The following MMD2 variants were observed in gnomAD, a reference collection of about 807,000 sequenced individuals.
MMD2 encodes the protein monocyte to macrophage differentiation factor 2.
MMD2 carries 30 observed loss-of-function variants against 33.5 expected under a neutral mutation model. That is an observed-to-expected ratio of 0.90 (90% CI 0.67 to 1.22). The LOEUF is 1.22. Among genes scored for constraint, MMD2 ranks in the 50% most tolerant of loss-of-function variants. MMD2 has a pLI of 0.00. For synonymous variants in MMD2, 129 were observed against 123.0 expected (o/e 1.05, Z -0.32); for missense variants, 364 against 325.4 (o/e 1.12, Z -0.91).
At chr7:4,901,858 A>C (rs1203200185), downstream of MMD2, among the ~76,000 whole-genome samples, 1 of 152,256 alleles carries the variant, frequency 6.6e-6, no homozygotes, top group Non-Finnish European at 1.5e-5. Context: ...CATCCTTGGC[A>C]ATGCCACTTT....
intron 1 of MMD2, among the ~76,000 whole-genome samples, chr7:4,930,679 C>T (rs1240631741): frequency 6.9e-6 from 1 of 144,882 alleles, no homozygotes; most frequent in Non-Finnish European, 1.5e-5. Flanking sequence ...GAGAGGACAA[C>T]ATCAAATGAA....
chr7:4,947,277 T>C (rs1786114138), intron 1 of MMD2, among the ~76,000 whole-genome samples: 1 of 152,002 alleles, frequency 6.6e-6, no homozygotes, highest in Non-Finnish European at 1.5e-5. Flanking sequence ...ACAGGAAGCA[T>C]GGCGGCTTCT....
chr7:4,914,135 G>A (rs1185749391), intron 4 of MMD2, among the ~76,000 whole-genome samples: 1 of 152,162 alleles, frequency 6.6e-6, no homozygotes. Context: ...ACAGGCACAT[G>A]CCATCACAAA....
chr7:4,923,755 G>C (rs917563467), intron 2 of MMD2, among the ~76,000 whole-genome samples: 1 of 152,118 alleles, frequency 6.6e-6, no homozygotes, highest in African/African-American at 2.4e-5. Flanking sequence ...GAGCCCCTAC[G>C]ATGCACACAG....
rs1303045065 is a variant in MMD2, at chr7:4,946,334, G to T, written c.47+12637C>A. Reference sequence around the variant, plus strand: ...GAATAGCCATGCTCCAAACATGGACGGATCAATTTGTTTCCCTCTGCGGCC... The same window carrying T: ...GAATAGCCATGCTCCAAACATGGACTGATCAATTTGTTTCCCTCTGCGGCC... On this transcript the variant is annotated intron_variant, in intron 1 of 6. Transcript: ENST00000401401. This position sits in a 1 kb window ranked among gnomAD's most constrained non-coding sequence, Gnocchi z 5.0. 6.6e-6 allele frequency among the ~76,000 whole-genome samples: 1 copy of T among 152,176 alleles called. No individual in the cohort carries two copies. The highest frequency in any genetic ancestry group is 1.5e-5 in the Non-Finnish European group (1 of 68,038).
At chr7:4,944,896 T>A (rs1454745589) in intron 1 of MMD2, among the ~76,000 whole-genome samples, 1 of 150,080 alleles carries the variant, frequency 6.7e-6, no homozygotes, top group Non-Finnish European at 1.5e-5. Context: ...GCCTCCTGAA[T>A]AGCTGGGACT....
At position 4,946,165 on chromosome 7, in the gene MMD2, CTGCACACA is replaced by C. The variant is rs1295947123; in HGVS notation, c.47+12798_47+12805del. Among the ~76,000 whole-genome samples, 4 of 149,768 alleles carry C rather than the reference CTGCACACA, an allele frequency of 2.7e-5. No homozygotes were observed. Among genetic ancestry groups the C allele is most frequent in the South Asian group, 2.1e-4 (1 of 4,706 alleles). ...CGCACACCCACACCCGCGCGCACAC[CTGCACACA>C]TGCACACACACGCGCGCACACCCAC... On this transcript the variant is annotated intron_variant, in intron 1 of 6. Coordinates refer to ENST00000401401, the MANE Select transcript of MMD2 (RefSeq NM_198403.4). The surrounding 1 kb of genome is among the most constrained non-coding windows in gnomAD (Gnocchi z 5.0).
At chr7:4,957,624 G>A (rs185116448) in intron 1 of MMD2, among the ~76,000 whole-genome samples, 2 of 151,608 alleles carry the variant, frequency 1.3e-5, no homozygotes, top group Non-Finnish European at 2.9e-5. Flanking sequence ...ACTCCAGCCT[G>A]GGCAACAAGA....
chr7:4,908,712 C>CA (rs1784927760), intron 6 of MMD2, among the ~76,000 whole-genome samples: 1 of 151,660 alleles, frequency 6.6e-6, no homozygotes, highest in Non-Finnish European at 1.5e-5. Context: ...GCCTGGCCAA[C>CA]ATAGTGAAAC....
intron 5 of MMD2, among the ~76,000 whole-genome samples, chr7:4,910,864 A>C (rs928456132): frequency 7.2e-5 from 11 of 152,090 alleles, no homozygotes; most frequent in African/African-American, 2.7e-4. Context: ...CCTGACCTCA[A>C]GTGATCTGCC....
At chr7:4,912,262 A>G (rs978943847) in intron 4 of MMD2, among the ~76,000 whole-genome samples, 1 of 152,100 alleles carries the variant, frequency 6.6e-6, no homozygotes, top group African/African-American at 2.4e-5. Flanking sequence ...GTGTATGTAT[A>G]AAGAGATAAC....
chr7:4,909,624 A>G, intron 6 of MMD2: 1 of 639,712 alleles, frequency 1.6e-6, no homozygotes, highest in Non-Finnish European at 2.8e-6. Flanking sequence ...TTTTTTAGAG[A>G]TGGGTCTTGC....
chr7:4,958,021 C>A (rs1786434299), intron 1 of MMD2, among the ~76,000 whole-genome samples: 1 of 152,168 alleles, frequency 6.6e-6, no homozygotes, highest in Non-Finnish European at 1.5e-5. Flanking sequence ...CAGCCCATCT[C>A]CCACTCACCA....
At chr7:4,938,157 C>G (rs1239128290) in intron 1 of MMD2, among the ~76,000 whole-genome samples, 1 of 151,556 alleles carries the variant, frequency 6.6e-6, no homozygotes, top group Non-Finnish European at 1.5e-5. Flanking sequence ...ATTACAGGTG[C>G]CCACCACTAT....
At chr7:4,918,183 A>G (rs890349095) in intron 3 of MMD2, among the ~76,000 whole-genome samples, 1 of 152,172 alleles carries the variant, frequency 6.6e-6, no homozygotes, top group Non-Finnish European at 1.5e-5. Context: ...AAAGCTCTCA[A>G]ACTCTTATTT....
At chr7:4,942,620 T>C (rs1369901900) in intron 1 of MMD2, among the ~76,000 whole-genome samples, 1 of 150,746 alleles carries the variant, frequency 6.6e-6, no homozygotes, top group Non-Finnish European at 1.5e-5. Flanking sequence ...TATACCTCTT[T>C]TTTTTTTTTG....
chr7:4,933,326 C>T (rs1785644644), intron 1 of MMD2, among the ~76,000 whole-genome samples: 1 of 152,154 alleles, frequency 6.6e-6, no homozygotes, highest in Non-Finnish European at 1.5e-5. Context: ...CGTGCCACTG[C>T]ACTCCAGCCT....
At chr7:4,899,213 C>A in the MMD2 span, among the ~76,000 whole-genome samples, 1 of 152,084 alleles carries the variant, frequency 6.6e-6, no homozygotes, top group African/African-American at 2.4e-5. Flanking sequence ...TTCTCAGCCT[C>A]CAGAACCGTG....
At chr7:4,945,761 G>A (rs544305857) in intron 1 of MMD2, among the ~76,000 whole-genome samples, 2 of 148,916 alleles carry the variant, frequency 1.3e-5, no homozygotes, top group East Asian at 3.9e-4. Context: ...TTTTAGTGGA[G>A]ATGGGGATTC....
Sources: gnomAD v4.1 joint callset for allele counts (sites outside exome capture counted in the v4.1 genomes callset) on GRCh38, gnomAD v4.1.1 for gene constraint, Gnocchi (gnomAD v3.1) non-coding constraint, MANE v1.5 for transcripts, NCBI Gene and HGNC (gene_info 2026-07-23, HGNC 2026-07-21) for gene names.